DPYD: variants seen among roughly 807,000 people sequenced by gnomAD.
DPYD encodes the protein dihydropyrimidine dehydrogenase.
DPYD carries 109 observed loss-of-function variants against 116.2 expected under a neutral mutation model. That is an observed-to-expected ratio of 0.94 (90% confidence interval 0.80 to 1.10). The LOEUF is 1.10. DPYD is among the 50% of genes least tolerant of loss of function. The pLI is 0.00. For missense variants in DPYD, 1,302 were observed against 1,254.5 expected (o/e 1.04, Z -0.57); for synonymous variants, 440 against 432.0 (o/e 1.02, Z -0.23).
At chr1:97,356,634 T>C (rs1321417520) in intron 16 of DPYD, among the ~76,000 whole-genome samples, 1 of 152,244 alleles carries the variant, frequency 6.6e-6, no homozygotes, top group Non-Finnish European at 1.5e-5. Context: ...TATTTTCTTC[T>C]AGTAGTTTTA....
At chr1:97,719,881 A>G (rs1662822746) in intron 5 of DPYD, 5 of 985,100 alleles carry the variant, frequency 5.1e-6, no homozygotes, top group Non-Finnish European at 6.0e-6. Context: ...TTCACTTAAA[A>G]TGCATCTACT....
chr1:97,720,998 T>C, intron 5 of DPYD: 1 of 1,561,882 alleles, frequency 6.4e-7, no homozygotes, highest in South Asian at 1.2e-5. Context: ...ATAAAAGACC[T>C]GCTTCCAATC....
chr1:97,085,463 A>G (rs1228975400), intron 21 of DPYD, among the ~76,000 whole-genome samples: 4 of 152,252 alleles, frequency 2.6e-5, no homozygotes, highest in Admixed American at 1.3e-4. Context: ...AGTTATTAGC[A>G]CATGGTGTTA....
At chr1:97,372,051 G>A (rs1025521454) in intron 16 of DPYD, among the ~76,000 whole-genome samples, 2 of 152,178 alleles carry the variant, frequency 1.3e-5, no homozygotes, top group Admixed American at 6.5e-5. Context: ...AGTAAATTCA[G>A]ATGTGCTCAT....
chr1:97,292,052 A>G (rs778353557), intron 18 of DPYD, among the ~76,000 whole-genome samples: 1 of 152,112 alleles, frequency 6.6e-6, no homozygotes, highest in Non-Finnish European at 1.5e-5. Context: ...AGTGGGGACT[A>G]AAGTTGCATG....
chr1:97,336,394 C>A (rs1462652566), intron 16 of DPYD, among the ~76,000 whole-genome samples: 1 of 152,112 alleles, frequency 6.6e-6, no homozygotes, highest in Non-Finnish European at 1.5e-5. Context: ...GTGTCGATAC[C>A]TACTAGGTTC....
chr1:97,159,157 A>G (rs1217419311), intron 20 of DPYD, among the ~76,000 whole-genome samples: 2 of 152,164 alleles, frequency 1.3e-5, no homozygotes, highest in African/African-American at 2.4e-5. Flanking sequence ...GTCAGTTATT[A>G]TAACTGTGCT....
chr1:97,887,741 T>C (rs1204749865), intron 1 of DPYD, among the ~76,000 whole-genome samples: 1 of 151,814 alleles, frequency 6.6e-6, no homozygotes, highest in African/African-American at 2.4e-5. Context: ...CCAAATCTCA[T>C]CTTGAATTGT....
chr1:97,678,372 G>A (rs773187429), intron 8 of DPYD, among the ~76,000 whole-genome samples: 8 of 152,060 alleles, frequency 5.3e-5, no homozygotes, highest in Non-Finnish European at 7.4e-5. Context: ...TCGTGGCCCC[G>A]AGTTTGGGGA....
chr1:97,895,673 G>C (rs1475514136), intron 1 of DPYD, among the ~76,000 whole-genome samples: 1 of 151,770 alleles, frequency 6.6e-6, no homozygotes, highest in Middle Eastern at 3.4e-3. Context: ...AGGAGCTGAG[G>C]AGTTGGGGAA....
At chr1:97,556,330 TTTTTA>T (rs1175983465) in intron 11 of DPYD, among the ~76,000 whole-genome samples, 4 of 151,896 alleles carry the variant, frequency 2.6e-5, no homozygotes, top group Non-Finnish European at 5.9e-5. Flanking sequence ...ATTCCCTTTT[TTTTTA>T]TTTTATTTTA....
At chr1:97,546,069 G>A in intron 12 of DPYD, 2 of 1,407,258 alleles carry the variant, frequency 1.4e-6, no homozygotes, top group Non-Finnish European at 2.0e-6. Flanking sequence ...CAACATCACA[G>A]TAGGATCCTT....
At chr1:97,327,312 C>T (rs12140043) in intron 16 of DPYD, among the ~76,000 whole-genome samples, 26,256 of 151,968 alleles carry the variant, frequency 0.17, 2,769 homozygotes, top group Middle Eastern at 0.26. Flanking sequence ...CAATGAATAT[C>T]TTTCTTATCC....
intron 2 of DPYD, among the ~76,000 whole-genome samples, chr1:97,859,693 G>A (rs1021811000): frequency 6.6e-6 from 1 of 151,982 alleles, no homozygotes; most frequent in Non-Finnish European, 1.5e-5. Flanking sequence ...GACAAGCAAC[G>A]ACAAGGATTC....
chr1:97,467,071 C>A (rs1677365956), intron 13 of DPYD, among the ~76,000 whole-genome samples: 1 of 152,126 alleles, frequency 6.6e-6, no homozygotes, highest in Non-Finnish European at 1.5e-5. Flanking sequence ...GTAACAGTAG[C>A]TTAAAACAAT....
intron 12 of DPYD, among the ~76,000 whole-genome samples, chr1:97,530,522 C>A (rs1255427321): frequency 6.6e-6 from 1 of 152,032 alleles, no homozygotes; most frequent in Non-Finnish European, 1.5e-5. Flanking sequence ...TGGCCATTAT[C>A]CATTTATCTA....
intron 18 of DPYD, among the ~76,000 whole-genome samples, chr1:97,236,097 C>T (rs1661909446): frequency 6.6e-6 from 1 of 152,138 alleles, no homozygotes; most frequent in African/African-American, 2.4e-5. Flanking sequence ...TACATTAATG[C>T]TTTCATAATA....
chr1:97,738,817 T>C (rs1347206908), intron 4 of DPYD, among the ~76,000 whole-genome samples: 33 of 152,042 alleles, frequency 2.2e-4, no homozygotes, highest in Admixed American at 2.2e-3. Context: ...GTAAAGAATA[T>C]GAACAAATTA....
intron 20 of DPYD, among the ~76,000 whole-genome samples, chr1:97,164,625 C>T (rs1260581561): frequency 6.6e-6 from 1 of 152,158 alleles, no homozygotes; most frequent in Non-Finnish European, 1.5e-5. Context: ...CATTCCTACA[C>T]ACCAACAACA....
Sources: allele counts gnomAD v4.1 joint callset (sites outside exome capture counted in the v4.1 genomes callset), GRCh38; gene constraint gnomAD v4.1.1; transcripts MANE v1.5; gene names NCBI Gene and HGNC (gene_info 2026-07-23, HGNC 2026-07-21).